Variants in EFNA5 observed in about 807,000 individuals in gnomAD.
EFNA5 encodes the protein ephrin-A5.
EFNA5 carries 5 observed loss-of-function variants against 22.9 expected under a neutral mutation model. The observed-to-expected ratio is 0.22, with a 90% CI of 0.11 to 0.46. EFNA5 has a LOEUF of 0.46. EFNA5 is among the 20% of genes least tolerant of loss of function. EFNA5 has a pLI of 0.99. For missense variants in EFNA5, 237 were observed against 293.3 expected, an observed-to-expected ratio of 0.81 and a Z score of 1.40; for synonymous variants, 113 against 112.2, an observed-to-expected ratio of 1.01 and a Z score of -0.04.
intron 1 of EFNA5, among the ~76,000 whole-genome samples, chr5:107,444,327 T>C (rs1015558475): frequency 1.3e-5 from 2 of 152,252 alleles, no homozygotes; most frequent in African/African-American, 4.8e-5. Flanking sequence ...CATCTATTGA[T>C]TGGATTCTTG....
intron 1 of EFNA5, among the ~76,000 whole-genome samples, chr5:107,477,267 T>A (rs564890564): frequency 6.6e-6 from 1 of 152,208 alleles, no homozygotes; most frequent in Non-Finnish European, 1.5e-5. Context: ...CATATAGATA[T>A]TTATGTACCT....
chr5:107,499,793 GAATA>G (rs1747089231), intron 1 of EFNA5, among the ~76,000 whole-genome samples: 1 of 152,128 alleles, frequency 6.6e-6, no homozygotes, highest in Admixed American at 6.6e-5. Context: ...TTGCACTAGT[GAATA>G]AATGAGATCC....
intron 1 of EFNA5, among the ~76,000 whole-genome samples, chr5:107,527,829 G>A (rs61628334): frequency 0.023 from 3,442 of 152,180 alleles, 156 homozygotes; most frequent in African/African-American, 0.078. Context: ...GGAAATGAGG[G>A]AGGTCAGGGA....
At chr5:107,431,811 T>C (rs995626513) in intron 1 of EFNA5, among the ~76,000 whole-genome samples, 1 of 152,196 alleles carries the variant, frequency 6.6e-6, no homozygotes, top group Non-Finnish European at 1.5e-5. Context: ...GGGCTTTACA[T>C]ATGTTATCAT....
At chr5:107,560,892 G>A (rs1748521224) in intron 1 of EFNA5, among the ~76,000 whole-genome samples, 1 of 152,222 alleles carries the variant, frequency 6.6e-6, no homozygotes, top group African/African-American at 2.4e-5. Context: ...TAAGGATCCA[G>A]AACTAAGCCC....
chr5:107,493,845 A>G (rs1210215611), intron 1 of EFNA5, among the ~76,000 whole-genome samples: 1 of 152,180 alleles, frequency 6.6e-6, no homozygotes, highest in African/African-American at 2.4e-5. Context: ...CAAACCTATA[A>G]GGTTTATACA....
At chr5:107,421,367 C>A (rs1748660534) in intron 2 of EFNA5, among the ~76,000 whole-genome samples, 1 of 152,072 alleles carries the variant, frequency 6.6e-6, no homozygotes. Context: ...CAGAAAATGA[C>A]AATTGTCTTC....
chr5:107,624,906 C>A (rs956516483), intron 1 of EFNA5, among the ~76,000 whole-genome samples: 7 of 152,086 alleles, frequency 4.6e-5, no homozygotes, highest in African/African-American at 9.7e-5. Flanking sequence ...TATAAACATT[C>A]ATTTACCAAC....
chr5:107,581,449 A>T (rs1448254635), intron 1 of EFNA5, among the ~76,000 whole-genome samples: 1 of 152,192 alleles, frequency 6.6e-6, no homozygotes, highest in African/African-American at 2.4e-5. Context: ...AATAGTGAAA[A>T]ATTCCACTAG....
At chr5:107,443,396 A>G (rs374719515) in intron 1 of EFNA5, among the ~76,000 whole-genome samples, 5 of 152,220 alleles carry the variant, frequency 3.3e-5, no homozygotes, top group African/African-American at 1.2e-4. Flanking sequence ...CTGTCCTCTG[A>G]CATGCATGCC....
At chr5:107,662,683 C>G (rs1040849206) in intron 1 of EFNA5, among the ~76,000 whole-genome samples, 4 of 151,576 alleles carry the variant, frequency 2.6e-5, no homozygotes, top group Admixed American at 2.0e-4. Flanking sequence ...CAAAAAGGCT[C>G]TGACTTAATA....
At chr5:107,607,524 G>T (rs896512863) in intron 1 of EFNA5, among the ~76,000 whole-genome samples, 15 of 152,080 alleles carry the variant, frequency 9.9e-5, no homozygotes, top group African/African-American at 3.6e-4. Flanking sequence ...ACAGATTTCA[G>T]ATTTTACTAA....
At chr5:107,637,514 GTGTC>G (rs1413989515) in intron 1 of EFNA5, among the ~76,000 whole-genome samples, 2 of 149,188 alleles carry the variant, frequency 1.3e-5, no homozygotes, top group African/African-American at 4.9e-5. Context: ...GTGTGTGTGT[GTGTC>G]TGTGTGTGTG....
At chr5:107,527,518 C>T (rs567314927) in intron 1 of EFNA5, among the ~76,000 whole-genome samples, 280 of 152,164 alleles carry the variant, frequency 1.8e-3, no homozygotes, top group Middle Eastern at 0.01. Flanking sequence ...AACGCCTGAC[C>T]TTGTGATCCA....
chr5:107,597,517 G>A (rs1284499602), intron 1 of EFNA5, among the ~76,000 whole-genome samples: 2 of 152,054 alleles, frequency 1.3e-5, no homozygotes, highest in Non-Finnish European at 2.9e-5. Flanking sequence ...TTGAAACATG[G>A]CCATATTGTA....
At chr5:107,667,301 A>G (rs1027276815) in intron 1 of EFNA5, among the ~76,000 whole-genome samples, 4 of 152,142 alleles carry the variant, frequency 2.6e-5, no homozygotes, top group Admixed American at 6.5e-5. Context: ...AGTTATCAGC[A>G]TTTGAAAACT....
intron 2 of EFNA5, among the ~76,000 whole-genome samples, chr5:107,415,500 G>A (rs1390539495): frequency 1.3e-5 from 2 of 152,024 alleles, no homozygotes; most frequent in Non-Finnish European, 2.9e-5. Context: ...CAGGAGAGGC[G>A]AGGCCAGTAA....
chr5:107,533,015 T>A (rs972723078), intron 1 of EFNA5, among the ~76,000 whole-genome samples: 2 of 152,084 alleles, frequency 1.3e-5, no homozygotes, highest in Non-Finnish European at 1.5e-5. Flanking sequence ...AAGACGGAGC[T>A]CCTGAGATGT....
intron 1 of EFNA5, among the ~76,000 whole-genome samples, chr5:107,630,623 A>G (rs1750230811): frequency 6.6e-6 from 1 of 152,050 alleles, no homozygotes; most frequent in Non-Finnish European, 1.5e-5. Context: ...AGCTCTGTAC[A>G]CTTCTGTAGA....
Sources: gnomAD v4.1 joint callset for allele counts (sites outside exome capture counted in the v4.1 genomes callset) on GRCh38, gnomAD v4.1.1 for gene constraint, MANE v1.5 for transcripts, NCBI Gene and HGNC (gene_info 2026-07-23, HGNC 2026-07-21) for gene names.